TEX2: variants seen among roughly 807,000 people sequenced by gnomAD.
TEX2 encodes the protein testis expressed 2, also known as testis-expressed protein 2.
Under a neutral mutation model 106.9 loss-of-function variants are expected in TEX2, and 53 were observed. The observed-to-expected ratio is 0.50, with a 90% confidence interval of 0.40 to 0.62. The LOEUF is 0.62. Ranked by LOEUF, TEX2 falls within the 20% of genes least tolerant of loss-of-function variation. TEX2 has a pLI of 0.00. For synonymous variants in TEX2, 523 were observed against 534.8 expected (o/e 0.98, Z 0.30); for missense variants, 1,207 against 1,379.0 (o/e 0.88, Z 1.98).
chr17:64,153,291 GGCATCCTGT>G lies in TEX2; in HGVS notation c.2931-146_2931-138del. 1 of 656,332 alleles carries G rather than the reference GGCATCCTGT, an allele frequency of 1.5e-6. No individual in the cohort carries two copies. The highest frequency in any genetic ancestry group is 2.7e-6 in the Non-Finnish European group (1 of 376,386). The allele number at this position is 656,332 out of a possible 1,614,324, so 40.7% of individuals were successfully genotyped here. A position where few individuals can be genotyped will look rare whatever the true frequency, so the allele number is the denominator to read the frequency against. On this transcript the variant is annotated intron_variant, in intron 9 of 11. Coordinates refer to ENST00000584379, the MANE Select transcript of TEX2 (RefSeq NM_001288732.2). This position sits in a 1 kb window ranked among gnomAD's most constrained non-coding sequence, Gnocchi z 4.1. ...GTGGTGATTCTGTGTTGGGGCGGGG[GGCATCCTGT>G]GCATTGCAGGGTGTTCAGCAGCATC...
At chr17:64,186,758 C>T (rs1445480304) in intron 5 of TEX2, among the ~76,000 whole-genome samples, 1 of 151,886 alleles carries the variant, frequency 6.6e-6, no homozygotes, top group African/African-American at 2.4e-5. Flanking sequence ...CCCAGGAGGT[C>T]GAGGTTGCAA....
chr17:64,245,189 A>G (rs1555636164), intron 1 of TEX2, among the ~76,000 whole-genome samples: 2 of 152,228 alleles, frequency 1.3e-5, no homozygotes, highest in Non-Finnish European at 2.9e-5. Flanking sequence ...CAATGACTAC[A>G]TGTATGGCAG....
intron 6 of TEX2, 80 bp downstream of exon 6, chr17:64,177,245 C>T (rs2031651161): frequency 6.5e-7 from 1 of 1,548,868 alleles, no homozygotes. Context: ...AATTATTTTT[C>T]ACTTAGGACA....
In TEX2 at chr17:64,214,145, C is replaced by T. The variant is rs782205315; in HGVS notation, c.73G>A (p.Val25Met). The change falls in exon 2 of 12, where the codon GTG becomes ATG. Residue 25 changes from valine to methionine, a missense_variant. By Grantham distance (21) the Val-to-Met change is conservative (BLOSUM62 1). Coordinates refer to ENST00000584379, the MANE Select transcript of TEX2 (RefSeq NM_001288732.2). ...GTATCTCGGGACACGGACCTCTGCA[C>T]GTGCACTTTAGGGGCTGATGGTTTT... ...MPKPSAPKVHVQRSVSRDTIA... is the reference protein window; with the variant it reads ...MPKPSAPKVHMQRSVSRDTIA... 1.4e-5 allele frequency: 23 copies of T among 1,614,178 alleles called. No individual in the cohort carries two copies. Among genetic ancestry groups the T allele is most frequent in the Non-Finnish European group, 1.7e-5 (20 of 1,180,038 alleles).
intron 1 of TEX2, among the ~76,000 whole-genome samples, chr17:64,234,396 G>T (rs782477118): frequency 8.5e-5 from 13 of 152,148 alleles, no homozygotes; most frequent in Non-Finnish European, 1.8e-4. Flanking sequence ...TTTGTTGTTG[G>T]GTTTTTTTCT....
At chr17:64,260,926 G>A (rs1157624273) in intron 1 of TEX2, among the ~76,000 whole-genome samples, 7 of 152,154 alleles carry the variant, frequency 4.6e-5, no homozygotes, top group African/African-American at 1.7e-4. Context: ...TGGAAAAAAA[G>A]AAAGAACAGG....
chr17:64,195,656 A>G lies in TEX2; in HGVS notation c.1645-561T>C, dbSNP rs964366558. Among the ~76,000 whole-genome samples the G allele has an allele frequency of 1.3e-5, 2 of 152,250 alleles. No homozygotes were observed. Among genetic ancestry groups the G allele is most frequent in the African/African-American group, 4.8e-5 (2 of 41,472 alleles). On this transcript the variant is annotated intron_variant, in intron 2 of 11. Coordinates refer to ENST00000584379, the MANE Select transcript of TEX2 (RefSeq NM_001288732.2). This position sits in a 1 kb window ranked among gnomAD's most constrained non-coding sequence, Gnocchi z 4.1. ...AGGCATTAAATACATCGTAAATATA[A>G]TCAATAATATATCAAAATTCAAAGA...
At position 64,217,350 on chromosome 17, in the gene TEX2, G is replaced by T. The variant is rs921023971; in HGVS notation, c.-25-3108C>A. 6.6e-6 allele frequency among the ~76,000 whole-genome samples: 1 copy of T among 152,212 alleles called. No homozygotes were observed. The highest frequency in any genetic ancestry group is 1.9e-4 in the East Asian group (1 of 5,194). ...CCATGCAGGACAGCCAAGGCCAAGA[G>T]GAAGGACCTGACTGACACCCAGGAA... is the stretch of plus-strand genomic sequence containing the variant. On this transcript the variant is annotated intron_variant, in intron 1 of 11. Coordinates refer to ENST00000584379, the MANE Select transcript of TEX2 (RefSeq NM_001288732.2). The surrounding 1 kb of genome is among the most constrained non-coding windows in gnomAD (Gnocchi z 4.3).
At chr17:64,206,369 T>G (rs2032829498) in intron 2 of TEX2, among the ~76,000 whole-genome samples, 1 of 152,166 alleles carries the variant, frequency 6.6e-6, no homozygotes, top group African/African-American at 2.4e-5. Flanking sequence ...TTGGCCTTTG[T>G]GCCAATACCA....
intron 5 of TEX2, 145 bp from the exon 6 acceptor site, chr17:64,177,616 C>T: frequency 1.2e-6 from 1 of 821,732 alleles, no homozygotes. Context: ...ATTACAAGTC[C>T]CACATTGTAT....
chr17:64,175,777 G>A (rs1316228071), intron 6 of TEX2, among the ~76,000 whole-genome samples: 1 of 152,224 alleles, frequency 6.6e-6, no homozygotes, highest in Non-Finnish European at 1.5e-5. Context: ...CAGGGGAGCA[G>A]CATCCCACCT....
chr17:64,179,078 G>C (rs1301895101), intron 5 of TEX2, among the ~76,000 whole-genome samples: 1 of 152,242 alleles, frequency 6.6e-6, no homozygotes, highest in East Asian at 1.9e-4. Flanking sequence ...TGCCAGTCTT[G>C]CTGAGAGGTG....
In TEX2 at chr17:64,188,287, G is replaced by A. The variant is rs748070421; in HGVS notation, c.2305C>T (p.Arg769Trp). ...CTGTAGTCGAGAAGCATCTTCTGCC[G>A]CACGCTGCCTGCCAGCTCCTTCTGC... is the stretch of plus-strand genomic sequence containing the variant. ...PKQKELAGSV[R>W]QKMLLDYSVY... Residue 769 changes from arginine (R) to tryptophan (W), a missense_variant, in exon 5 of 12, where the codon CGG becomes TGG. Physicochemically the swap from Arg to Trp is moderately radical, Grantham distance 101. Transcript: ENST00000584379. 53 of 1,613,952 alleles carry A rather than the reference G, an allele frequency of 3.3e-5. No homozygotes were observed. In the Admixed American group the frequency reaches 3.3e-4, roughly 10 times the overall value.
At chr17:64,152,385 A>C (rs925976102) in intron 10 of TEX2, among the ~76,000 whole-genome samples, 4 of 152,180 alleles carry the variant, frequency 2.6e-5, no homozygotes, top group South Asian at 2.1e-4. Context: ...GGTGATTTTA[A>C]CATGCAGCTG....
At chr17:64,179,747 A>G (rs2031772768) in intron 5 of TEX2, among the ~76,000 whole-genome samples, 1 of 148,438 alleles carries the variant, frequency 6.7e-6, no homozygotes. Flanking sequence ...GGTCTCCTTT[A>G]TGAACGTTGG....
At chr17:64,186,300 A>G (rs2032071749) in intron 5 of TEX2, among the ~76,000 whole-genome samples, 1 of 151,800 alleles carries the variant, frequency 6.6e-6, no homozygotes, top group Non-Finnish European at 1.5e-5. Flanking sequence ...AAAGTTTTAT[A>G]TCACCCCACT....
intron 1 of TEX2, among the ~76,000 whole-genome samples, chr17:64,219,862 C>T (rs986207982): frequency 6.6e-6 from 1 of 152,214 alleles, no homozygotes; most frequent in Admixed American, 6.5e-5. Flanking sequence ...CAGAGACGTC[C>T]ACATCCTAGT....
intron 4 of TEX2, among the ~76,000 whole-genome samples, chr17:64,190,137 A>G (rs2032240588): frequency 6.6e-6 from 1 of 152,226 alleles, no homozygotes; most frequent in African/African-American, 2.4e-5. Context: ...TTAGCCAGAT[A>G]ATTTCCAGCA....
At chr17:64,191,191 C>A (rs1336071114) in intron 4 of TEX2, among the ~76,000 whole-genome samples, 1 of 152,188 alleles carries the variant, frequency 6.6e-6, no homozygotes, top group African/African-American at 2.4e-5. Context: ...TGCTTTAGTA[C>A]CAGTGAGTGC....
Sources: gnomAD v4.1 joint callset for allele counts (sites outside exome capture counted in the v4.1 genomes callset) on GRCh38, gnomAD v4.1.1 for gene constraint, Gnocchi (gnomAD v3.1) non-coding constraint, MANE v1.5 for transcripts, NCBI Gene and HGNC (gene_info 2026-07-23, HGNC 2026-07-21) for gene names.